Variants in ZNF599 observed in about 807,000 individuals in gnomAD.
The protein encoded by ZNF599 is zinc finger protein 599.
ZNF599 carries 10 observed loss-of-function variants against 11.7 expected under a neutral mutation model. That is an observed-to-expected ratio of 0.86 (90% CI 0.53 to 1.45). The LOEUF (loss-of-function observed/expected upper bound fraction) is 1.45. ZNF599 is among the 40% of genes most tolerant of loss of function. The probability of loss-of-function intolerance (pLI) is 0.00; values close to 1 mark genes in which losing one functional copy is unlikely to be tolerated. For missense variants in ZNF599, 688 were observed against 713.6 expected (o/e 0.96, Z 0.41); for synonymous variants, 232 against 253.2 (o/e 0.92, Z 0.79).
At chr19:34,772,650 C>T in intron 1 of ZNF599, 174 bp downstream of exon 1, 2 of 1,407,388 alleles carry the variant, frequency 1.4e-6, no homozygotes, top group Non-Finnish European at 9.2e-7. Flanking sequence ...GGATTCAGGA[C>T]CCTGGGTAGG....
the ZNF599 span, among the ~76,000 whole-genome samples, chr19:34,784,837 A>T: frequency 2.0e-5 from 3 of 151,260 alleles, no homozygotes; most frequent in African/African-American, 7.3e-5. Context: ...CCGAAGCAAG[A>T]TAACCAGTCC....
At chr19:34,762,948 T>C (rs1360917675) in intron 3 of ZNF599, 2 of 152,110 alleles carry the variant, frequency 1.3e-5, no homozygotes, top group Non-Finnish European at 2.9e-5. Flanking sequence ...TAAAAAGTAA[T>C]GGGAAGACAA....
At chr19:34,766,092 T>A (rs944742740) in intron 3 of ZNF599, among the ~76,000 whole-genome samples, 6 of 152,176 alleles carry the variant, frequency 3.9e-5, no homozygotes, top group African/African-American at 1.4e-4. Context: ...TGAGGTCCTT[T>A]TAGGCATGAT....
At chr19:34,801,444 C>T in the ZNF599 span, among the ~76,000 whole-genome samples, 9 of 152,218 alleles carry the variant, frequency 5.9e-5, no homozygotes, top group East Asian at 1.5e-3. Context: ...TGGTGAGGAA[C>T]AAGTCCATAT....
At chr19:34,772,475 TGAAA>T (rs2069189446) in intron 1 of ZNF599, 1 of 1,169,122 alleles carries the variant, frequency 8.6e-7, no homozygotes, top group South Asian at 2.9e-5. Context: ...CTCCGAGCAG[TGAAA>T]GACAGGACCC....
Position 34,760,278 on chromosome 19 carries a change from G to A in ZNF599, c.523C>T (p.Gln175Ter). ...LRVLQERVTPQDALHECDSQG... is the reference protein window; with the variant it reads ...LRVLQERVTP ...GAGTCACACTCATGGAGAGCATCTT[G>A]TGGAGTGACTCGTTCCTGTAAAACC... Residue 175 changes from glutamine to a stop codon, truncating the protein, a stop_gained, in exon 4 of 4, where the codon CAA becomes TAA. Transcript: ENST00000329285. LOFTEE classifies it low-confidence loss of function (END_TRUNC). 6.2e-7 allele frequency: 1 copy of A among 1,614,186 alleles called. No individual in the cohort carries two copies. Among genetic ancestry groups the A allele is most frequent in the South Asian group, 1.1e-5 (1 of 91,082 alleles).
At chr19:34,785,378 C>G in the ZNF599 span, among the ~76,000 whole-genome samples, 1 of 152,164 alleles carries the variant, frequency 6.6e-6, no homozygotes, top group Non-Finnish European at 1.5e-5. Flanking sequence ...ACAGCCTGCT[C>G]TCCTCTCTGC....
chr19:34,804,389 G>T, the ZNF599 span, among the ~76,000 whole-genome samples: 1 of 152,174 alleles, frequency 6.6e-6, no homozygotes, highest in Non-Finnish European at 1.5e-5. Context: ...TCTCCCTTCA[G>T]CTGTGCCTGT....
Position 34,759,935 on chromosome 19 carries a change from CCA to C in ZNF599, c.864_865del (p.Cys288TrpfsTer14). ...AGAAGAGCGGTGGGTGAATGCTTTG[CCA>C]CATTCTTTGCACTCATAGGGCTTAT... On this transcript the variant is annotated frameshift_variant, in exon 4 of 4. Transcript: ENST00000329285. LOFTEE classifies it low-confidence loss of function (END_TRUNC). The C allele has an allele frequency of 3.7e-6, 6 of 1,614,082 alleles. No individual in the cohort carries two copies. Among genetic ancestry groups the C allele is most frequent in the East Asian group, 4.5e-5 (2 of 44,874 alleles).
intron 3 of ZNF599, among the ~76,000 whole-genome samples, chr19:34,766,022 G>A (rs912460203): frequency 1.3e-5 from 2 of 152,138 alleles, no homozygotes; most frequent in South Asian, 2.1e-4. Context: ...GGTTGTCCAC[G>A]TTTGTTTTTA....
intron 3 of ZNF599, chr19:34,764,465 T>TA (rs1255273200): frequency 6.6e-6 from 1 of 152,158 alleles, no homozygotes; most frequent in African/African-American, 2.4e-5. Flanking sequence ...CAACAAAAAA[T>TA]ACAATCAAGA....
At chr19:34,781,230 GAAAT>G in the ZNF599 span, among the ~76,000 whole-genome samples, 3 of 150,966 alleles carry the variant, frequency 2.0e-5, no homozygotes, top group South Asian at 2.1e-4. Flanking sequence ...TGAAAGAAAA[GAAAT>G]AAAGAGAAAG....
At chr19:34,806,758 T>C in the ZNF599 span, among the ~76,000 whole-genome samples, 4 of 152,172 alleles carry the variant, frequency 2.6e-5, no homozygotes, top group Non-Finnish European at 4.4e-5. Flanking sequence ...CAACAGTCCT[T>C]GCCCAAGGGA....
upstream of ZNF599, among the ~76,000 whole-genome samples, chr19:34,777,809 C>A (rs2069228963): frequency 6.6e-6 from 1 of 151,162 alleles, no homozygotes; most frequent in Non-Finnish European, 1.5e-5. Context: ...ATGGTGGGCA[C>A]CAGGTCTGGG....
the ZNF599 span, among the ~76,000 whole-genome samples, chr19:34,796,413 T>A: frequency 6.6e-6 from 1 of 151,700 alleles, no homozygotes; most frequent in African/African-American, 2.4e-5. Context: ...TGGGTTCAAG[T>A]GGTCCTCCTA....
At chr19:34,783,084 A>C in the ZNF599 span, among the ~76,000 whole-genome samples, 1 of 152,358 alleles carries the variant, frequency 6.6e-6, no homozygotes, top group Admixed American at 6.5e-5. Context: ...GCAGATAGAC[A>C]CCAAATGTAC....
the ZNF599 span, among the ~76,000 whole-genome samples, chr19:34,790,360 G>C: frequency 2.0e-5 from 3 of 152,134 alleles, no homozygotes; most frequent in African/African-American, 7.2e-5. Flanking sequence ...GAAGTACAAA[G>C]AATGAATGAA....
chr19:34,796,119 C>T, the ZNF599 span, among the ~76,000 whole-genome samples: 3 of 152,154 alleles, frequency 2.0e-5, no homozygotes, highest in Admixed American at 1.3e-4. Flanking sequence ...CCACACCTGG[C>T]AATCTGTGAA....
chr19:34,767,532 T>G, intron 2 of ZNF599, 121 bp from the exon 3 acceptor site: 1 of 655,730 alleles, frequency 1.5e-6, no homozygotes. Context: ...GGCCCTCCCC[T>G]GCCTCACCAA....
Sources: allele counts gnomAD v4.1 joint callset (sites outside exome capture counted in the v4.1 genomes callset), GRCh38; gene constraint gnomAD v4.1.1; transcripts MANE v1.5; gene names NCBI Gene and HGNC (gene_info 2026-07-23, HGNC 2026-07-21).